The following TMEM132C variants were observed in gnomAD, a reference collection of about 807,000 sequenced individuals.
TMEM132C encodes transmembrane protein 132C.
A neutral mutation model predicts 61.4 loss-of-function variants in TMEM132C; 29 were observed. That is an observed-to-expected ratio of 0.47 (90% CI 0.35 to 0.64). The LOEUF is 0.64. Among genes scored for constraint, TMEM132C ranks in the 30% least tolerant of loss-of-function variants. The pLI is 0.00. For missense variants in TMEM132C, 1,408 were observed against 1,476.9 expected (o/e 0.95, Z 0.76); for synonymous variants, 656 against 633.1 (o/e 1.04, Z -0.54).
chr12:128,387,961 G>A (rs1874639512), intron 1 of TMEM132C, among the ~76,000 whole-genome samples: 1 of 152,210 alleles, frequency 6.6e-6, no homozygotes, highest in Non-Finnish European at 1.5e-5. Flanking sequence ...GCCGTCACCT[G>A]TGCCCTTCCC....
intron 5 of TMEM132C, among the ~76,000 whole-genome samples, chr12:128,674,503 C>A (rs764494679): frequency 1.3e-5 from 2 of 152,050 alleles, no homozygotes; most frequent in Non-Finnish European, 2.9e-5. Flanking sequence ...CATATGGTAA[C>A]CTTACATTTA....
At chr12:128,272,736 GT>G (rs1223552555) in intron 1 of TMEM132C, among the ~76,000 whole-genome samples, 4 of 152,066 alleles carry the variant, frequency 2.6e-5, no homozygotes, top group African/African-American at 9.7e-5. Flanking sequence ...TTTCTTTGAG[GT>G]TTTAATTTTT....
intron 1 of TMEM132C, among the ~76,000 whole-genome samples, chr12:128,282,570 C>T (rs530665313): frequency 1.3e-5 from 2 of 152,342 alleles, no homozygotes; most frequent in South Asian, 4.1e-4. Context: ...TCACCTCCCA[C>T]TAGGTCCCTC....
intron 1 of TMEM132C, among the ~76,000 whole-genome samples, chr12:128,369,382 T>G (rs1270734550): frequency 1.3e-5 from 2 of 152,208 alleles, no homozygotes; most frequent in Non-Finnish European, 2.9e-5. Context: ...TATGAAAACA[T>G]CGATACAATG....
At chr12:128,635,254 T>C (rs1954093826) in intron 4 of TMEM132C, among the ~76,000 whole-genome samples, 1 of 152,188 alleles carries the variant, frequency 6.6e-6, no homozygotes, top group South Asian at 2.1e-4. Flanking sequence ...TCAGAATGCT[T>C]ACAGAATTCC....
chr12:128,311,001 G>GTAT (rs1350871024), intron 1 of TMEM132C, among the ~76,000 whole-genome samples: 1 of 152,112 alleles, frequency 6.6e-6, no homozygotes, highest in Non-Finnish European at 1.5e-5. Context: ...CTTCAACTAT[G>GTAT]TATATCTATC....
rs191736985 is a variant in TMEM132C at position 128,547,029 on chromosome 12, C to T, written c.1121+2926C>T. Among the ~76,000 whole-genome samples the T allele has an allele frequency of 1.2e-4, 19 of 152,234 alleles. No homozygotes were observed. The East Asian group carries it at 2.7e-3, about 22-fold the overall frequency. ...AGTGCACCTTCCAAGATTCCCAGGG[C>T]GGGGAATGGCGTTCCTTCCCATGGA... On this transcript the variant is annotated intron_variant, in intron 3 of 8. Coordinates refer to ENST00000435159, the MANE Select transcript of TMEM132C (RefSeq NM_001136103.3).
intron 5 of TMEM132C, among the ~76,000 whole-genome samples, chr12:128,671,367 A>G (rs186401596): frequency 6.6e-6 from 1 of 152,324 alleles, no homozygotes; most frequent in African/African-American, 2.4e-5. Context: ...ATGCTTGCTT[A>G]AAGAATAAGG....
rs79804789 is a variant in TMEM132C at position 128,470,668 on chromosome 12, C to T, written c.974+55048C>T. On this transcript the variant is annotated intron_variant, in intron 2 of 8. Coordinates refer to ENST00000435159, the MANE Select transcript of TMEM132C (RefSeq NM_001136103.3). ...GCATGTATGGGGAATAACTGGATTC[C>T]GTTCAGTCAAATTTACTATGCAAGA... Among the ~76,000 whole-genome samples, 265 of 152,262 alleles carry T rather than the reference C, an allele frequency of 1.7e-3. 2 individuals are homozygous for T. Among genetic ancestry groups the T allele is most frequent in the African/African-American group, 6.2e-3 (256 of 41,540 alleles).
At chr12:128,658,629 T>C (rs374854457) in intron 4 of TMEM132C, among the ~76,000 whole-genome samples, 39 of 152,330 alleles carry the variant, frequency 2.6e-4, no homozygotes, top group African/African-American at 8.9e-4. Flanking sequence ...CAAGTGTTTA[T>C]AGTCACCTTC....
At chr12:128,680,080 G>C (rs1330876474) in intron 5 of TMEM132C, among the ~76,000 whole-genome samples, 1 of 152,226 alleles carries the variant, frequency 6.6e-6, no homozygotes, top group East Asian at 1.9e-4. Flanking sequence ...AGAAGACGAA[G>C]AGAAAACGTT....
Position 128,693,817 on chromosome 12 carries a change from C to G in TMEM132C, c.1450-12C>G, listed in dbSNP as rs1325192025. ...AACTTCTCCTCCATCCTTTCTCCCTCTGTCTTTGCAGGTGTCTGAGCGCTG... is the reference window on the plus strand; with the variant it reads ...AACTTCTCCTCCATCCTTTCTCCCTGTGTCTTTGCAGGTGTCTGAGCGCTG... On this transcript the variant is annotated splice_polypyrimidine_tract_variant and intron_variant, in intron 5 of 8. Transcript: ENST00000435159. 1 of 1,551,700 alleles carries G rather than the reference C, an allele frequency of 6.4e-7. No individual in the cohort carries two copies. Among genetic ancestry groups the G allele is most frequent in the African/African-American group, 1.4e-5 (1 of 73,186 alleles).
intron 2 of TMEM132C, among the ~76,000 whole-genome samples, chr12:128,451,105 T>C (rs966822562): frequency 3.3e-5 from 5 of 152,208 alleles, no homozygotes; most frequent in South Asian, 2.1e-4. Context: ...CATTGAAAGA[T>C]TGGTATCAGA....
At chr12:128,471,763 C>T (rs767550847) in intron 2 of TMEM132C, among the ~76,000 whole-genome samples, 5 of 152,100 alleles carry the variant, frequency 3.3e-5, no homozygotes, top group Non-Finnish European at 7.4e-5. Flanking sequence ...AATTCCTACC[C>T]GCTAGGGCTA....
chr12:128,525,354 C>T (rs1343418090), intron 2 of TMEM132C, among the ~76,000 whole-genome samples: 1 of 151,954 alleles, frequency 6.6e-6, no homozygotes, highest in Non-Finnish European at 1.5e-5. Context: ...TTCTCTCTCT[C>T]TCTCTCTCCC....
chr12:128,401,043 G>A (rs963211311), intron 1 of TMEM132C, among the ~76,000 whole-genome samples: 7 of 152,170 alleles, frequency 4.6e-5, no homozygotes, highest in Non-Finnish European at 8.8e-5. Flanking sequence ...AATGAGCTTG[G>A]AATTGCCCTG....
At chr12:128,468,816 A>G (rs1408489095) in intron 2 of TMEM132C, among the ~76,000 whole-genome samples, 2 of 152,226 alleles carry the variant, frequency 1.3e-5, no homozygotes, top group African/African-American at 2.4e-5. Context: ...AGAAAACACT[A>G]TCACATCAAA....
intron 1 of TMEM132C, among the ~76,000 whole-genome samples, chr12:128,270,340 T>C (rs1489251984): frequency 6.6e-6 from 1 of 152,208 alleles, no homozygotes; most frequent in Non-Finnish European, 1.5e-5. Flanking sequence ...ATGTGTGGTA[T>C]GGCACCCTTA....
intron 2 of TMEM132C, among the ~76,000 whole-genome samples, chr12:128,511,777 A>G (rs1271679625): frequency 2.6e-5 from 4 of 152,100 alleles, no homozygotes; most frequent in African/African-American, 9.7e-5. Flanking sequence ...ACCCCACCCC[A>G]AGGTGCAATG....
Sources: gnomAD v4.1 joint callset for allele counts (sites outside exome capture counted in the v4.1 genomes callset) on GRCh38, gnomAD v4.1.1 for gene constraint, MANE v1.5 for transcripts, NCBI Gene and HGNC (gene_info 2026-07-23, HGNC 2026-07-21) for gene names.